Variants in XYLT1 observed in about 807,000 individuals in gnomAD.
The protein encoded by XYLT1 is xylosyltransferase 1.
Under a neutral mutation model 91.3 loss-of-function variants are expected in XYLT1, and 36 were observed. That is an observed-to-expected ratio of 0.39 (90% CI 0.30 to 0.52). XYLT1 has a LOEUF of 0.52. Among genes scored for constraint, XYLT1 ranks in the 20% least tolerant of loss-of-function variants. The pLI is 0.68. For missense variants in XYLT1, 1,242 were observed against 1,284.5 expected, an observed-to-expected ratio of 0.97 and a Z score of 0.51; for synonymous variants, 588 against 532.0, an observed-to-expected ratio of 1.11 and a Z score of -1.45.
In XYLT1 at chr16:17,467,655, G is replaced by T. The variant is rs181618396; in HGVS notation, c.363+2779C>A. 1.1e-4 allele frequency among the ~76,000 whole-genome samples: 16 copies of T among 152,162 alleles called. No individual in the cohort carries two copies. In the East Asian group the frequency reaches 1.7e-3, roughly 17 times the overall value. On this transcript the variant is annotated intron_variant, in intron 1 of 11. Transcript: ENST00000261381. ...TTAAGTGCACCAAAAATACAATCAG[G>T]GCCTTCCACCGAAGCGCAGCTCCCC... is the stretch of plus-strand genomic sequence containing the variant.
At chr16:17,351,180 C>T (rs1439893921) in intron 2 of XYLT1, among the ~76,000 whole-genome samples, 3 of 152,092 alleles carry the variant, frequency 2.0e-5, no homozygotes, top group African/African-American at 7.2e-5. Flanking sequence ...TCATTGTGTA[C>T]CCAGAGTCAG....
At chr16:17,205,315 G>A (rs915904668) in intron 3 of XYLT1, among the ~76,000 whole-genome samples, 2 of 152,232 alleles carry the variant, frequency 1.3e-5, no homozygotes, top group African/African-American at 4.8e-5. Context: ...TGCTTTGCAA[G>A]GGTCAACATG....
rs569713861 is a variant in XYLT1, at chr16:17,137,326, C to CACAA, written c.1764+1025_1764+1028dup. On this transcript the variant is annotated intron_variant, in intron 8 of 11. Coordinates refer to ENST00000261381, the MANE Select transcript of XYLT1 (RefSeq NM_022166.4). ...ACAGCCCGGCACAGAGGAGATCAAA[C>CACAA]ACAAACAAACAGCATCCCGCTCCAC... 1.4e-3 allele frequency among the ~76,000 whole-genome samples: 208 copies of CACAA among 152,294 alleles called. 1 individual carries two copies. The Middle Eastern group carries it at 0.02, about 15-fold the overall frequency.
chr16:17,412,506 C>T (rs1170592584), intron 1 of XYLT1, among the ~76,000 whole-genome samples: 6 of 134,086 alleles, frequency 4.5e-5, no homozygotes, highest in South Asian at 4.5e-4. Flanking sequence ...GATTAAATAC[C>T]GTGGTAACCA....
At chr16:17,438,030 A>G (rs2036483604) in intron 1 of XYLT1, among the ~76,000 whole-genome samples, 1 of 152,216 alleles carries the variant, frequency 6.6e-6, no homozygotes, top group South Asian at 2.1e-4. Context: ...ATTCAGGAAG[A>G]GAGAAAGGAT....
chr16:17,338,862 A>C (rs553128824), intron 2 of XYLT1, among the ~76,000 whole-genome samples: 2 of 152,230 alleles, frequency 1.3e-5, no homozygotes, highest in South Asian at 4.1e-4. Flanking sequence ...TGGGATTATC[A>C]TTCACCCGTT....
chr16:17,153,936 AAG>A (rs1281606271), intron 6 of XYLT1, among the ~76,000 whole-genome samples: 1 of 152,204 alleles, frequency 6.6e-6, no homozygotes, highest in Non-Finnish European at 1.5e-5. Flanking sequence ...GGAGTAATAA[AAG>A]AACACAGGCC....
intron 2 of XYLT1, among the ~76,000 whole-genome samples, chr16:17,323,205 T>C (rs1349745144): frequency 6.6e-6 from 1 of 152,202 alleles, no homozygotes; most frequent in Non-Finnish European, 1.5e-5. Flanking sequence ...TTCTATGATA[T>C]CCCTCTCCAG....
At chr16:17,169,718 T>C (rs1312407965) in intron 5 of XYLT1, among the ~76,000 whole-genome samples, 1 of 152,206 alleles carries the variant, frequency 6.6e-6, no homozygotes, top group Non-Finnish European at 1.5e-5. Context: ...ATATGAAGTC[T>C]ATTTAACTGT....
chr16:17,236,758 A>C (rs909487203), intron 3 of XYLT1, among the ~76,000 whole-genome samples: 1 of 152,130 alleles, frequency 6.6e-6, no homozygotes, highest in Non-Finnish European at 1.5e-5. Flanking sequence ...ACCTGTCTTT[A>C]CGTCCATGTT....
At chr16:17,354,236 C>T (rs944936779) in intron 2 of XYLT1, among the ~76,000 whole-genome samples, 2 of 152,178 alleles carry the variant, frequency 1.3e-5, no homozygotes. Context: ...GGGAAGCTGA[C>T]ACCAGGGATT....
chr16:17,405,803 G>A (rs2036026001), intron 1 of XYLT1, among the ~76,000 whole-genome samples: 1 of 152,188 alleles, frequency 6.6e-6, no homozygotes, highest in South Asian at 2.1e-4. Context: ...GTGAAAAGAA[G>A]GGCACAGTGA....
chr16:17,125,010 T>TTTAAG (rs1461597706), intron 10 of XYLT1, among the ~76,000 whole-genome samples: 2 of 152,248 alleles, frequency 1.3e-5, no homozygotes, highest in South Asian at 4.1e-4. Context: ...TATCTTTTTT[T>TTTAAG]TTAAGTTGGA....
At chr16:17,308,834 T>C (rs2034503312) in intron 2 of XYLT1, among the ~76,000 whole-genome samples, 1 of 152,058 alleles carries the variant, frequency 6.6e-6, no homozygotes, top group Non-Finnish European at 1.5e-5. Flanking sequence ...GCAAGGAAAA[T>C]AACATCTATC....
At position 17,192,484 on chromosome 16, in the gene XYLT1, G is replaced by A. The variant is rs7206359; in HGVS notation, c.1289+5728C>T. On this transcript the variant is annotated intron_variant, in intron 5 of 11. Coordinates refer to ENST00000261381, the MANE Select transcript of XYLT1 (RefSeq NM_022166.4). Reference sequence around the variant, plus strand: ...CTCTTCCTGCAGCCAATCTAAAGTAGGCCAGGTATAATTCCTTGCCTCGGT... The same window carrying A: ...CTCTTCCTGCAGCCAATCTAAAGTAAGCCAGGTATAATTCCTTGCCTCGGT... 8.4e-3 allele frequency among the ~76,000 whole-genome samples: 1,274 copies of A among 152,296 alleles called. 21 individuals carry two copies. Among genetic ancestry groups the A allele is most frequent in the African/African-American group, 0.029 (1,205 of 41,558 alleles).
intron 2 of XYLT1, among the ~76,000 whole-genome samples, chr16:17,349,121 C>T (rs919355881): frequency 6.6e-6 from 1 of 152,214 alleles, no homozygotes; most frequent in African/African-American, 2.4e-5. Flanking sequence ...CTGCTGTGCT[C>T]ACCGTCTGCA....
At chr16:17,285,510 C>A (rs2034121145) in intron 2 of XYLT1, among the ~76,000 whole-genome samples, 1 of 152,178 alleles carries the variant, frequency 6.6e-6, no homozygotes, top group Non-Finnish European at 1.5e-5. Flanking sequence ...TGTCTCAGAA[C>A]CAAAGGTTGT....
intron 5 of XYLT1, among the ~76,000 whole-genome samples, chr16:17,187,438 A>G (rs1271652464): frequency 2.7e-5 from 4 of 148,810 alleles, no homozygotes; most frequent in East Asian, 2.0e-4. Flanking sequence ...GTGGTGGTGC[A>G]TAACTGTAAT....
chr16:17,244,078 A>G (rs1396431902), intron 3 of XYLT1, among the ~76,000 whole-genome samples: 1 of 152,120 alleles, frequency 6.6e-6, no homozygotes, highest in Non-Finnish European at 1.5e-5. Context: ...GCATGTCCAG[A>G]CGTCCCGAGG....
Sources: allele counts gnomAD v4.1 joint callset (sites outside exome capture counted in the v4.1 genomes callset), GRCh38; gene constraint gnomAD v4.1.1; transcripts MANE v1.5; gene names NCBI Gene and HGNC (gene_info 2026-07-23, HGNC 2026-07-21).